Variants in GALNT5 observed in about 807,000 individuals in gnomAD.
The protein encoded by GALNT5 is polypeptide N-acetylgalactosaminyltransferase 5, also known as UDP-GalNAc:polypeptide N-acetylgalactosaminyltransferase 5.
Under a neutral mutation model 85.4 loss-of-function variants are expected in GALNT5, and 72 were observed. The ratio of observed to expected loss-of-function variants is 0.84; its 90% CI spans 0.70 to 1.03. The LOEUF (loss-of-function observed/expected upper bound fraction) is 1.03. Ranked by LOEUF, GALNT5 falls within the 50% of genes least tolerant of loss-of-function variation. The pLI, the probability that GALNT5 is intolerant of heterozygous loss-of-function variation, is 0.00. For synonymous variants in GALNT5, 404 were observed against 397.0 expected (o/e 1.02, Z -0.21); for missense variants, 1,137 against 1,135.5 (o/e 1.00, Z -0.02).
At chr2:157,282,779 C>T (rs2105141028) in intron 1 of GALNT5, among the ~76,000 whole-genome samples, 1 of 152,150 alleles carries the variant, frequency 6.6e-6, no homozygotes, top group Admixed American at 6.5e-5. Context: ...TTCATATTTC[C>T]TTATATATCC....
At chr2:157,279,923 C>A (rs934941995) in intron 1 of GALNT5, among the ~76,000 whole-genome samples, 16 of 152,140 alleles carry the variant, frequency 1.1e-4, no homozygotes, top group African/African-American at 3.9e-4. Flanking sequence ...AGCTGCAGAT[C>A]GGAGCTGTTC....
intron 8 of GALNT5, among the ~76,000 whole-genome samples, chr2:157,306,877 G>T (rs966359955): frequency 6.6e-6 from 1 of 152,140 alleles, no homozygotes; most frequent in Non-Finnish European, 1.5e-5. Context: ...GAGTCAAAGG[G>T]AAGTGAAGAA....
chr2:157,257,860 A>G lies in GALNT5; in HGVS notation c.-223A>G. On this transcript the variant is annotated 5_prime_UTR_variant, in exon 1 of 10. Coordinates refer to ENST00000259056, the MANE Select transcript of GALNT5 (RefSeq NM_014568.3). ...ATCAGAACTTAGCCAGGGCCAGCCA[A>G]GCAGGCACAGATGCTCTGCTATGAA... The G allele has an allele frequency of 1.7e-6, 1 of 572,726 alleles. No individual in the cohort carries two copies. The highest frequency in any genetic ancestry group is 3.0e-5 in the East Asian group (1 of 33,246). 35.5% of individuals were successfully genotyped at this position (572,726 alleles called of 1,614,324 possible).
Position 157,284,397 on chromosome 2 carries a change from C to A in GALNT5, c.1570C>A (p.Pro524Thr). 6.2e-7 allele frequency: 1 copy of A among 1,613,970 alleles called. No individual in the cohort carries two copies. Among genetic ancestry groups the A allele is most frequent in the Non-Finnish European group, 8.5e-7 (1 of 1,179,860 alleles). ...TGTTCACAGTGTCATCAATCGCTCTCCTCCACACCTCATCAAGGAGATTCT... is the reference window on the plus strand; with the variant it reads ...TGTTCACAGTGTCATCAATCGCTCTACTCCACACCTCATCAAGGAGATTCT... ...RSVHSVINRS[P>T]PHLIKEILLV... The change falls in exon 2 of 10, where the codon CCT (proline) becomes ACT (threonine). Residue 524 changes from proline (P) to threonine (T), a missense_variant. By Grantham distance (38) the Pro-to-Thr change is conservative. Coordinates refer to ENST00000259056, the MANE Select transcript of GALNT5 (RefSeq NM_014568.3).
Position 157,299,554 on chromosome 2 carries a change from T to C in GALNT5, c.2004T>C (p.Pro668=). The change falls in exon 6 of 10, where the codon CCT becomes CCC. Residue 668 remains proline (P), a synonymous_variant. Transcript: ENST00000259056. ...CAAACTTTTCTTTTTGTAGGTGCCCTGTCATGGCTGGTGGATTGTTTTCTA... is the reference window on the plus strand; with the variant it reads ...CAAACTTTTCTTTTTGTAGGTGCCCCGTCATGGCTGGTGGATTGTTTTCTA... The part of the protein sequence containing the change: ...RIKETDTIRC[P]VMAGGLFSID... 6.3e-7 allele frequency: 1 copy of C among 1,597,346 alleles called. No homozygotes were observed. The highest frequency in any genetic ancestry group is 1.1e-5 in the South Asian group (1 of 90,086).
Position 157,288,747 on chromosome 2 carries a change from C to G in GALNT5, c.1741+2613C>G, listed in dbSNP as rs148083712. ...GTACATTTTGAAAGCTCATTCTGGC[C>G]ACTGTGTAGAGAATGGATATTAGGA... On this transcript the variant is annotated intron_variant, in intron 3 of 9. Coordinates refer to ENST00000259056, the MANE Select transcript of GALNT5 (RefSeq NM_014568.3). Among the ~76,000 whole-genome samples the G allele has an allele frequency of 6.6e-5, 10 of 152,190 alleles. No individual in the cohort carries two copies. The East Asian group carries it at 1.9e-3, about 29-fold the overall frequency.
chr2:157,269,777 T>C (rs1225840363), intron 1 of GALNT5, among the ~76,000 whole-genome samples: 3 of 152,176 alleles, frequency 2.0e-5, no homozygotes, highest in South Asian at 2.1e-4. Context: ...ATTTAAAATA[T>C]AGGAAGAGTC....
chr2:157,268,846 C>T lies in GALNT5; in HGVS notation c.1454+9310C>T, dbSNP rs182200558. Among the ~76,000 whole-genome samples the T allele has an allele frequency of 1.6e-3, 237 of 152,186 alleles. 1 individual carries two copies. The highest frequency in any genetic ancestry group is 5.4e-3 in the African/African-American group (225 of 41,536). On this transcript the variant is annotated intron_variant, in intron 1 of 9. Coordinates refer to ENST00000259056, the MANE Select transcript of GALNT5 (RefSeq NM_014568.3). ...AAGTATAGCATGGGACCAGTAGACT[C>T]TAAATACCTAATTTGTATAATAAAT...
At position 157,288,480 on chromosome 2, in the gene GALNT5, A is replaced by T. The variant is rs146508950; in HGVS notation, c.1741+2346A>T. ...TCTGGGTGAAGAATATTCCCAAGCA[A>T]ATGGAACAAGAAGTACAAATGTCCT... On this transcript the variant is annotated intron_variant, in intron 3 of 9. Transcript: ENST00000259056. Among the ~76,000 whole-genome samples, 14 of 152,328 alleles carry T rather than the reference A, an allele frequency of 9.2e-5. No individual in the cohort carries two copies. In the East Asian group the frequency reaches 2.7e-3, roughly 29 times the overall value.
In GALNT5 at chr2:157,257,968, G is replaced by A. The variant is rs1682223338; in HGVS notation, c.-115G>A. The A allele has an allele frequency of 2.9e-6, 3 of 1,040,020 alleles. No individual in the cohort carries two copies. Among genetic ancestry groups the A allele is most frequent in the Middle Eastern group, 2.5e-4 (1 of 4,074 alleles). The allele number at this position is 1,040,020 out of a possible 1,614,324, so 64.4% of individuals were successfully genotyped here. On this transcript the variant is annotated 5_prime_UTR_variant, in exon 1 of 10. Transcript: ENST00000259056. ...TGCTTCCTGCTGTGTTCAGGGGAGG[G>A]GGTCACTTTCTGGCAACTCTGCTGC...
At chr2:157,305,959 TC>T in intron 8 of GALNT5, 130 bp downstream of exon 8, 1 of 616,644 alleles carries the variant, frequency 1.6e-6, no homozygotes, top group Non-Finnish European at 2.8e-6. Context: ...AAAAAGAGAG[TC>T]CACCACTAAA....
chr2:157,286,117 G>A lies in GALNT5; in HGVS notation c.1724G>A (p.Gly575Glu). Reference sequence around the variant, plus strand: ...GGCTTAATAAGGGCCAGGCTGGCAGGAGCACAGAATGCAACAGGTAAGAAG... The same window carrying A: ...GGCTTAATAAGGGCCAGGCTGGCAGAAGCACAGAATGCAACAGGTAAGAAG... ...RHGLIRARLA[G>E]AQNATGDVLT... Residue 575 changes from glycine (G) to glutamate (E), a missense_variant, in exon 3 of 10, where the codon GGA (glycine) becomes GAA (glutamate). Gly to Glu is a moderately conservative substitution (Grantham distance 98, BLOSUM62 -2). Transcript: ENST00000259056. The A allele has an allele frequency of 1.2e-6, 2 of 1,613,606 alleles. No individual in the cohort carries two copies. Among genetic ancestry groups the A allele is most frequent in the Non-Finnish European group, 1.7e-6 (2 of 1,179,538 alleles).
Position 157,305,816 on chromosome 2 carries a change from A to G in GALNT5, c.2507A>G (p.Asp836Gly), listed in dbSNP as rs1683443912. 1.3e-6 allele frequency: 2 copies of G among 1,596,988 alleles called. No individual in the cohort carries two copies. Among genetic ancestry groups the G allele is most frequent in the Non-Finnish European group, 1.7e-6 (2 of 1,164,598 alleles). Residue 836 changes from aspartate to glycine, a missense_variant, in exon 8 of 10, where the codon GAT becomes GGT. Transcript: ENST00000259056. The stretch of plus-strand genomic sequence containing the variant: ...ACTACAGTCATTCTGGAAGACTGCG[A>G]TGGGAGCAAAGAGGTATGCTAAACT... The part of the protein sequence containing the change: ...ENTTVILEDC[D>G]GSKELQQFNY...
intron 5 of GALNT5, among the ~76,000 whole-genome samples, chr2:157,298,604 C>T (rs1329593604): frequency 6.6e-6 from 1 of 152,224 alleles, no homozygotes; most frequent in Non-Finnish European, 1.5e-5. Context: ...TTGCTCCGGC[C>T]CACTCCCACC....
chr2:157,273,692 G>A (rs2105128827), intron 1 of GALNT5, among the ~76,000 whole-genome samples: 1 of 127,510 alleles, frequency 7.8e-6, no homozygotes, highest in Non-Finnish European at 1.5e-5. Context: ...GCCCAGGCTG[G>A]AGTGCAATGG....
rs757149965 is a variant in GALNT5 at position 157,258,861 on chromosome 2, C to T, written c.779C>T (p.Thr260Ile). ...GCCATGGCCTTAAACAAAACTAAGACTCAGAGCAAAGAAGTCAATGCAAAT... is the reference window on the plus strand; with the variant it reads ...GCCATGGCCTTAAACAAAACTAAGATTCAGAGCAAAGAAGTCAATGCAAAT... The part of the protein sequence containing the change: ...GEAMALNKTK[T>I]QSKEVNANKH... Residue 260 changes from threonine (T) to isoleucine (I), a missense_variant, in exon 1 of 10, where the codon ACT becomes ATT. By Grantham distance (89) the Thr-to-Ile change is moderately conservative. Coordinates refer to ENST00000259056, the MANE Select transcript of GALNT5 (RefSeq NM_014568.3). The T allele has an allele frequency of 1.3e-6, 2 of 1,574,706 alleles. No homozygotes were observed. Among genetic ancestry groups the T allele is most frequent in the African/African-American group, 2.7e-5 (2 of 73,268 alleles).
chr2:157,291,115 T>C (rs940465207), intron 3 of GALNT5, among the ~76,000 whole-genome samples: 2 of 152,152 alleles, frequency 1.3e-5, no homozygotes, highest in African/African-American at 4.8e-5. Flanking sequence ...GTAAATGAGA[T>C]ATCAGGGAAG....
At chr2:157,293,844 G>T (rs981456596) in intron 3 of GALNT5, among the ~76,000 whole-genome samples, 20 of 152,168 alleles carry the variant, frequency 1.3e-4, no homozygotes, top group African/African-American at 4.6e-4. Flanking sequence ...CATACCCAAA[G>T]CTCTGCCTCC....
Position 157,258,912 on chromosome 2 carries a change from CT to C in GALNT5, c.834del (p.Pro279LeufsTer10). 6.4e-7 allele frequency: 1 copy of C among 1,555,654 alleles called. No individual in the cohort carries two copies. Among genetic ancestry groups the C allele is most frequent in the Non-Finnish European group, 8.7e-7 (1 of 1,155,340 alleles). On this transcript the variant is annotated frameshift_variant, in exon 1 of 10. Transcript: ENST00000259056. LOFTEE classifies it high-confidence loss of function. ...AAACACAAAGCCAATACGAGTCTTCCTTTTCCTAAGTTCACTGTCAATTCAA... is the reference window on the plus strand; with the variant it reads ...AAACACAAAGCCAATACGAGTCTTCCTTTCCTAAGTTCACTGTCAATTCAA... ...ANKHKANTSL[P>X]FPKFTVNSNR... is the part of the protein sequence containing the mutation.
Sources: gnomAD v4.1 joint callset for allele counts (sites outside exome capture counted in the v4.1 genomes callset) on GRCh38, gnomAD v4.1.1 for gene constraint, MANE v1.5 for transcripts, NCBI Gene and HGNC (gene_info 2026-07-23, HGNC 2026-07-21) for gene names.